WASHC4: variants seen among roughly 807,000 people sequenced by gnomAD.
WASHC4 encodes WASH complex subunit 7.
Under a neutral mutation model 166.6 loss-of-function variants are expected in WASHC4, and 86 were observed. That is an observed-to-expected ratio of 0.52 (90% CI 0.43 to 0.62). The LOEUF (loss-of-function observed/expected upper bound fraction) is 0.62, where lower values mean the gene tolerates loss of function less well. Ranked by LOEUF, WASHC4 falls within the 20% of genes least tolerant of loss-of-function variation. The pLI is 0.00. For synonymous variants in WASHC4, 446 were observed against 451.6 expected, an observed-to-expected ratio of 0.99 and a Z score of 0.16; for missense variants, 1,262 against 1,382.4, an observed-to-expected ratio of 0.91 and a Z score of 1.38.
At chr12:105,118,343 GA>G (rs1880388020) in intron 6 of WASHC4, 102 bp from the exon 7 acceptor site, 4 of 862,490 alleles carry the variant, frequency 4.6e-6, no homozygotes, top group Non-Finnish European at 5.9e-6. Flanking sequence ...GGCTTTATTG[GA>G]AAACTGTTTT....
intron 30 of WASHC4, among the ~76,000 whole-genome samples, chr12:105,163,889 TTG>T (rs1884652007): frequency 9.6e-6 from 1 of 103,678 alleles, no homozygotes; most frequent in Non-Finnish European, 2.3e-5. Context: ...CTTAATTGAC[TTG>T]TCTTTAGTTA....
chr12:105,163,754 C>T (rs974191688), intron 30 of WASHC4, among the ~76,000 whole-genome samples: 1 of 152,128 alleles, frequency 6.6e-6, no homozygotes, highest in African/African-American at 2.4e-5. Flanking sequence ...AAGAGGTCCT[C>T]TAGCCTCAGC....
chr12:105,108,188 C>G (rs933343286), intron 1 of WASHC4, among the ~76,000 whole-genome samples: 3 of 152,198 alleles, frequency 2.0e-5, no homozygotes, highest in African/African-American at 4.8e-5. Context: ...CCAGCGGCCC[C>G]GGGATCCCAG....
intron 26 of WASHC4, among the ~76,000 whole-genome samples, chr12:105,154,458 AAAT>A (rs750971932): frequency 8.5e-5 from 13 of 152,230 alleles, no homozygotes; most frequent in African/African-American, 2.4e-4. Context: ...TTGCCTGCTG[AAAT>A]AATAATAATT....
At chr12:105,158,738 T>C (rs1353040915) in intron 28 of WASHC4, among the ~76,000 whole-genome samples, 6 of 152,204 alleles carry the variant, frequency 3.9e-5, no homozygotes, top group African/African-American at 9.6e-5. Flanking sequence ...CAGTGTTTTG[T>C]GGCTTTGTAG....
intron 7 of WASHC4, 144 bp downstream of exon 7, chr12:105,118,672 A>G: frequency 1.5e-6 from 1 of 688,532 alleles, no homozygotes; most frequent in East Asian, 2.7e-5. Context: ...GATGTGTATC[A>G]TACGTAGGTT....
chr12:105,152,548 G>T, intron 26 of WASHC4, 97 bp downstream of exon 26: 1 of 788,380 alleles, frequency 1.3e-6, no homozygotes, highest in Admixed American at 1.9e-5. Flanking sequence ...TCATGTGAAA[G>T]CCTGAGCTCA....
In WASHC4 at chr12:105,144,329, C is replaced by T. The variant is rs1406626802; in HGVS notation, c.2053C>T (p.Arg685Ter). The T allele has an allele frequency of 1.2e-6, 2 of 1,612,960 alleles. No individual in the cohort carries two copies. Among genetic ancestry groups the T allele is most frequent in the Non-Finnish European group, 1.7e-6 (2 of 1,179,198 alleles). The change falls in exon 21 of 33, where the codon CGA becomes TGA. Residue 685 changes from arginine to a stop codon, truncating the protein, a stop_gained. Coordinates refer to ENST00000332180, the MANE Select transcript of WASHC4 (RefSeq NM_015275.3). LOFTEE classifies it high-confidence loss of function. ...ATGCAAAGAAATAGAGAAAGATCTG[C>T]GACTTTCTGTGCATACTCATTTAAA... ...KLCKEIEKDL[R>*]LSVHTHLKLD...
intron 1 of WASHC4, among the ~76,000 whole-genome samples, chr12:105,110,601 TTA>T (rs1879587948): frequency 6.6e-6 from 1 of 152,208 alleles, no homozygotes; most frequent in African/African-American, 2.4e-5. Context: ...ATTTTAGACA[TTA>T]TAGAAATAAT....
chr12:105,128,437 G>T (rs1881480883), intron 13 of WASHC4, among the ~76,000 whole-genome samples: 2 of 152,294 alleles, frequency 1.3e-5, no homozygotes, highest in South Asian at 4.1e-4. Flanking sequence ...TTGATATTTT[G>T]TAACAGTGTG....
chr12:105,165,806 T>C (rs1445416019), intron 32 of WASHC4, among the ~76,000 whole-genome samples: 1 of 152,170 alleles, frequency 6.6e-6, no homozygotes, highest in Non-Finnish European at 1.5e-5. Context: ...CTAGACTAAA[T>C]AAACATGCTT....
At chr12:105,133,957 T>G in intron 14 of WASHC4, 61 bp downstream of exon 14, 6 of 1,526,836 alleles carry the variant, frequency 3.9e-6, no homozygotes, top group Non-Finnish European at 5.4e-6. Context: ...GAAGTTAAAC[T>G]TTGAAAAAAC....
At chr12:105,150,523 G>T (rs1422930272) in intron 25 of WASHC4, among the ~76,000 whole-genome samples, 1 of 152,162 alleles carries the variant, frequency 6.6e-6, no homozygotes, top group East Asian at 1.9e-4. Flanking sequence ...AGTGGCTCAT[G>T]CCTGTAATCC....
In WASHC4 at chr12:105,149,708, A is replaced by G. The variant is rs1000595736; in HGVS notation, c.2608A>G (p.Ile870Val). The change falls in exon 25 of 33, where the codon ATT (isoleucine) becomes GTT (valine). Residue 870 changes from isoleucine (I) to valine (V), a missense_variant. Ile to Val is a conservative substitution (Grantham distance 29). Coordinates refer to ENST00000332180, the MANE Select transcript of WASHC4 (RefSeq NM_015275.3). Reference sequence around the variant, plus strand: ...CATCAAATCCAGATTGATTAAAGATATTCGATTTTTCAGGGAAATTAAGGA... The same window carrying G: ...CATCAAATCCAGATTGATTAAAGATGTTCGATTTTTCAGGGAAATTAAGGA... ...EHIKSRLIKD[I>V]RFFREIKDQN... 11 of 1,585,696 alleles carry G rather than the reference A, an allele frequency of 6.9e-6. No homozygotes were observed. In the African/African-American group the frequency reaches 8.1e-5, roughly 12 times the overall value.
At chr12:105,155,835 CTG>C (rs953858544) in intron 26 of WASHC4, among the ~76,000 whole-genome samples, 2 of 152,196 alleles carry the variant, frequency 1.3e-5, no homozygotes, top group African/African-American at 4.8e-5. Flanking sequence ...GAGTGAGACT[CTG>C]TCTCAAAAAA....
chr12:105,149,807 T>A (rs934569593), intron 25 of WASHC4, 58 bp downstream of exon 25: 2 of 1,490,696 alleles, frequency 1.3e-6, no homozygotes, highest in South Asian at 2.6e-5. Context: ...ATGGCAAATG[T>A]GTATGCTAAA....
intron 10 of WASHC4, 69 bp downstream of exon 10, chr12:105,122,307 G>C: frequency 6.6e-7 from 1 of 1,504,874 alleles, no homozygotes; most frequent in East Asian, 2.3e-5. Flanking sequence ...AATTATAGTA[G>C]GACACTTTTA....
At chr12:105,148,462 T>A in intron 24 of WASHC4, 1 of 985,386 alleles carries the variant, frequency 1.0e-6, no homozygotes. Flanking sequence ...ATATAGATGT[T>A]CATCAGTTAA....
At chr12:105,136,186 G>T (rs1288202248) in intron 14 of WASHC4, among the ~76,000 whole-genome samples, 2 of 152,114 alleles carry the variant, frequency 1.3e-5, no homozygotes, top group Non-Finnish European at 2.9e-5. Flanking sequence ...AACTTAGGTG[G>T]TTTATGAAAA....
Sources: allele counts gnomAD v4.1 joint callset (sites outside exome capture counted in the v4.1 genomes callset), GRCh38; gene constraint gnomAD v4.1.1; transcripts MANE v1.5; gene names NCBI Gene and HGNC (gene_info 2026-07-23, HGNC 2026-07-21).